Variants in KLF3 observed in about 807,000 individuals in gnomAD.
The protein encoded by KLF3 is KLF transcription factor 3, also known as Krueppel-like factor 3.
KLF3 carries 6 observed loss-of-function variants against 32.7 expected under a neutral mutation model. The ratio of observed to expected loss-of-function variants is 0.18; its 90% CI spans 0.10 to 0.36. KLF3 has a LOEUF of 0.36. Ranked by LOEUF, KLF3 falls within the 10% of genes least tolerant of loss-of-function variation. The pLI is 1.00. For missense variants in KLF3, 338 were observed against 449.7 expected (o/e 0.75, Z 2.25); for synonymous variants, 145 against 172.8 (o/e 0.84, Z 1.26).
chr4:38,689,905 A>G, intron 4 of KLF3, 26 bp downstream of exon 4: 1 of 1,484,472 alleles, frequency 6.7e-7, no homozygotes, highest in Non-Finnish European at 9.1e-7. Flanking sequence ...TCTACCCAGC[A>G]TTTGCATAGT....
chr4:38,692,968 A>G (rs1174052221), intron 4 of KLF3, among the ~76,000 whole-genome samples: 1 of 151,150 alleles, frequency 6.6e-6, no homozygotes, highest in Non-Finnish European at 1.5e-5. Context: ...TTTTCTTTCT[A>G]TTGAAGGATT....
rs1382193433 is a variant in KLF3, at chr4:38,693,661, A to C, written c.696-1085A>C. On this transcript the variant is annotated intron_variant, in intron 4 of 5. Transcript: ENST00000261438. Reference sequence around the variant, plus strand: ...ATATGGAACATTTTAGGAGCTATAGATTCAAATATGAAAGAGAAAGAAGTC... The same window carrying C: ...ATATGGAACATTTTAGGAGCTATAGCTTCAAATATGAAAGAGAAAGAAGTC... 2.0e-5 allele frequency among the ~76,000 whole-genome samples: 3 copies of C among 152,176 alleles called. No individual in the cohort carries two copies. The South Asian group carries it at 6.2e-4, about 32-fold the overall frequency.
intron 2 of KLF3, among the ~76,000 whole-genome samples, chr4:38,687,255 T>TG (rs1380736325): frequency 1.3e-5 from 2 of 152,254 alleles, no homozygotes; most frequent in African/African-American, 4.8e-5. Flanking sequence ...TAAGCAGGCT[T>TG]GACATGCAAA....
In KLF3 at chr4:38,681,877, C is replaced by T. The variant is rs373371309; in HGVS notation, c.57+1195C>T. Among the ~76,000 whole-genome samples the T allele has an allele frequency of 2.4e-4, 37 of 152,198 alleles. No homozygotes were observed. In the South Asian group the frequency reaches 3.9e-3, roughly 16 times the overall value. On this transcript the variant is annotated intron_variant, in intron 2 of 5. Transcript: ENST00000261438. ...TTTATACAAGACACGGGGGTCACGC[C>T]GAGGCCCTTGGAGCTGAGTTGCCAT... is the stretch of plus-strand genomic sequence containing the variant.
chr4:38,690,888 G>C (rs1722857898), intron 4 of KLF3: 1 of 152,110 alleles, frequency 6.6e-6, no homozygotes. Flanking sequence ...TCCACATTCA[G>C]CTTGGGTAGG....
intron 4 of KLF3, among the ~76,000 whole-genome samples, chr4:38,693,118 A>ACG (rs1553894850): frequency 1.4e-4 from 1 of 7,200 alleles, no homozygotes; most frequent in Non-Finnish European, 3.6e-4. Context: ...ATATATATAC[A>ACG]TATATATATA....
intron 1 of KLF3, among the ~76,000 whole-genome samples, chr4:38,667,363 A>C (rs1178453649): frequency 6.6e-6 from 1 of 152,192 alleles, no homozygotes; most frequent in African/African-American, 2.4e-5. Flanking sequence ...TCAGTAGCCC[A>C]GACCAGGCTG....
intron 2 of KLF3, among the ~76,000 whole-genome samples, chr4:38,684,887 A>C (rs1428943434): frequency 2.0e-5 from 3 of 152,090 alleles, no homozygotes; most frequent in African/African-American, 7.2e-5. Flanking sequence ...TAAGATCCCT[A>C]GTGGGGGCCA....
intron 1 of KLF3, among the ~76,000 whole-genome samples, chr4:38,672,620 G>C (rs1422911839): frequency 6.6e-6 from 1 of 152,162 alleles, no homozygotes; most frequent in Non-Finnish European, 1.5e-5. Flanking sequence ...AAGGGCACTT[G>C]TTGGAGCAGG....
Position 38,671,794 on chromosome 4 carries a change from G to A in KLF3, c.-40+7333G>A, listed in dbSNP as rs909869004. Among the ~76,000 whole-genome samples, 23 of 152,150 alleles carry A rather than the reference G, an allele frequency of 1.5e-4. No individual in the cohort carries two copies. The highest frequency in any genetic ancestry group is 2.9e-4 in the Non-Finnish European group (20 of 68,034). On this transcript the variant is annotated intron_variant, in intron 1 of 5. Transcript: ENST00000261438. This position sits in a 1 kb window ranked among gnomAD's most constrained non-coding sequence, Gnocchi z 4.4. ...ACAGCGCCTGGGGATTGCCAATCACGAAGGTGGTGGTGATTGGCAGGAAAC... is the reference window on the plus strand; with the variant it reads ...ACAGCGCCTGGGGATTGCCAATCACAAAGGTGGTGGTGATTGGCAGGAAAC...
chr4:38,694,684 T>A (rs1722997733), intron 4 of KLF3, 62 bp from the exon 5 acceptor site: 3 of 1,399,968 alleles, frequency 2.1e-6, no homozygotes, highest in African/African-American at 3.0e-5. Flanking sequence ...ATGCTTTTAG[T>A]AGACTGATGA....
intron 1 of KLF3, among the ~76,000 whole-genome samples, chr4:38,677,203 C>T (rs1396765676): frequency 1.3e-5 from 2 of 152,034 alleles, no homozygotes; most frequent in South Asian, 2.1e-4. Context: ...CTCAGTGATC[C>T]ACCCGCCTCG....
At position 38,684,346 on chromosome 4, in the gene KLF3, T is replaced by C. The variant is rs73808529; in HGVS notation, c.57+3664T>C. Among the ~76,000 whole-genome samples the C allele has an allele frequency of 7.8e-3, 1,194 of 152,302 alleles. 11 individuals are homozygous for C. Among genetic ancestry groups the C allele is most frequent in the African/African-American group, 0.028 (1,149 of 41,558 alleles). On this transcript the variant is annotated intron_variant, in intron 2 of 5. Coordinates refer to ENST00000261438, the MANE Select transcript of KLF3 (RefSeq NM_016531.6). ...AACCTGCTAAGAGAGTGTGTCAATT[T>C]ACTACACATTCATCAAGTATTAATT...
At position 38,689,855 on chromosome 4, in the gene KLF3, C is replaced by T. The variant is rs1388814184; in HGVS notation, c.671C>T (p.Ser224Phe). 2 of 1,395,530 alleles carry T rather than the reference C, an allele frequency of 1.4e-6. No homozygotes were observed. Among genetic ancestry groups the T allele is most frequent in the East Asian group, 3.9e-5 (1 of 25,708 alleles). The allele number at this position is 1,395,530 out of a possible 1,614,324, so 86.4% of individuals were successfully genotyped here. ...TCACCCCCCTTAATGAACTCAGTGT[C>T]CCCCCCGCAAGCATTGTTGCAAGAG... ...EMSPPLMNSV[S>F]PPQALLQENH... is the part of the protein sequence containing the mutation. The change falls in exon 4 of 6, where the codon TCC (serine) becomes TTC (phenylalanine). Residue 224 changes from serine to phenylalanine, a missense_variant. By Grantham distance (155) the Ser-to-Phe change is radical. Around this residue, in one of 2 missense-constraint regions of KLF3, gnomAD observed 272 missense variants for 313.4 expected, o/e 0.87. Transcript: ENST00000261438.
chr4:38,686,443 CAAAAAA>C (rs61128677), intron 2 of KLF3, among the ~76,000 whole-genome samples: 2 of 100,960 alleles, frequency 2.0e-5, no homozygotes, highest in African/African-American at 3.4e-5. Context: ...GACCCTATCT[CAAAAAA>C]AAAAAAAAAA....
intron 1 of KLF3, among the ~76,000 whole-genome samples, chr4:38,672,902 G>A (rs762464576): frequency 2.2e-4 from 33 of 151,768 alleles, no homozygotes; most frequent in Non-Finnish European, 4.3e-4. Flanking sequence ...CTTCAGAGAT[G>A]GCCTCTAGGT....
chr4:38,664,447 A>C lies in KLF3; in HGVS notation c.-54A>C, dbSNP rs895928025. 1 of 151,986 alleles carries C rather than the reference A, an allele frequency of 6.6e-6. No homozygotes were observed. The highest frequency in any genetic ancestry group is 2.4e-5 in the African/African-American group (1 of 41,374). 9.4% of individuals were successfully genotyped at this position (151,986 alleles called of 1,614,324 possible). A position where few individuals can be genotyped will look rare whatever the true frequency, so the allele number is the denominator to read the frequency against. On this transcript the variant is annotated 5_prime_UTR_variant, in exon 1 of 6. Coordinates refer to ENST00000261438, the MANE Select transcript of KLF3 (RefSeq NM_016531.6). ...TTATTTCTCGTCGGCGGCGCCCTGC[A>C]CCGCGCCTCGCAAAGTAAGTCCCGT...
At position 38,693,146 on chromosome 4, in the gene KLF3, A is replaced by G. The variant is rs140481369; in HGVS notation, c.696-1600A>G. ...TATATATACGTGTATATATATGTGT[A>G]TATATATACATATATATAATTGAAG... is the stretch of plus-strand genomic sequence containing the variant. On this transcript the variant is annotated intron_variant, in intron 4 of 5. Transcript: ENST00000261438. Among the ~76,000 whole-genome samples the G allele has an allele frequency of 1.3e-3, 188 of 142,816 alleles. 3 individuals are homozygous for G. Among genetic ancestry groups the G allele is most frequent in the East Asian group, 0.012 (61 of 4,938 alleles). The allele number at this position is 142,816 out of a possible 152,430, so 93.7% of individuals were successfully genotyped here. A position where few individuals can be genotyped will look rare whatever the true frequency, so the allele number is the denominator to read the frequency against.
intron 2 of KLF3, among the ~76,000 whole-genome samples, chr4:38,687,798 T>C (rs1722747080): frequency 6.6e-6 from 1 of 152,188 alleles, no homozygotes; most frequent in Admixed American, 6.5e-5. Context: ...CTGAGCAAGT[T>C]AGGGCCAGGG....
Sources: gnomAD v4.1 joint callset for allele counts (sites outside exome capture counted in the v4.1 genomes callset) on GRCh38, gnomAD v4.1.1 for gene constraint, gnomAD v4.1.1 regional missense constraint, Gnocchi (gnomAD v3.1) non-coding constraint, MANE v1.5 for transcripts, NCBI Gene and HGNC (gene_info 2026-07-23, HGNC 2026-07-21) for gene names.